PCDHGA9: variants seen among roughly 807,000 people sequenced by gnomAD.
The protein encoded by PCDHGA9 is protocadherin gamma-A9.
A neutral mutation model predicts 62.5 loss-of-function variants in PCDHGA9; 37 were observed. The ratio of observed to expected loss-of-function variants is 0.59; its 90% CI spans 0.46 to 0.78. PCDHGA9 has a LOEUF of 0.78. Ranked by LOEUF, PCDHGA9 falls within the 30% of genes least tolerant of loss-of-function variation. PCDHGA9 has a pLI of 0.00. For missense variants in PCDHGA9, 1,138 were observed against 1,166.2 expected (o/e 0.98, Z 0.35); for synonymous variants, 459 against 484.6 (o/e 0.95, Z 0.69).
At chr5:141,405,470 A>G in intron 1 of PCDHGA9, 94 bp downstream of exon 1, 1 of 1,108,980 alleles carries the variant, frequency 9.0e-7, no homozygotes, top group Non-Finnish European at 1.3e-6. Flanking sequence ...CCCAGGCTGG[A>G]ATGCAGTGGT....
intron 1 of PCDHGA9, among the ~76,000 whole-genome samples, chr5:141,433,697 CGTG>C (rs1176871032): frequency 6.6e-6 from 1 of 152,020 alleles, no homozygotes; most frequent in Non-Finnish European, 1.5e-5. Context: ...ATTAGCCGGG[CGTG>C]GTGGTGCATG....
At position 141,449,665 on chromosome 5, in the gene PCDHGA9, G is replaced by T. The variant is rs144213743; in HGVS notation, c.2424+44289G>T. 9.3e-5 allele frequency among the ~76,000 whole-genome samples: 14 copies of T among 150,156 alleles called. No individual in the cohort carries two copies. In the East Asian group the frequency reaches 2.7e-3, roughly 29 times the overall value. Reference sequence around the variant, plus strand: ...TATACATATTTACATACACACCCAAGTGTGTATGTATATATGTTTGTGTGT... The same window carrying T: ...TATACATATTTACATACACACCCAATTGTGTATGTATATATGTTTGTGTGT... On this transcript the variant is annotated intron_variant, in intron 1 of 3. Coordinates refer to ENST00000573521, the MANE Select transcript of PCDHGA9 (RefSeq NM_018921.3).
chr5:141,429,330 T>C (rs2097204620), intron 1 of PCDHGA9, among the ~76,000 whole-genome samples: 1 of 152,188 alleles, frequency 6.6e-6, no homozygotes, highest in East Asian at 1.9e-4. Flanking sequence ...CTTTAATCCA[T>C]TAACTATAAA....
chr5:141,486,967 G>C lies in PCDHGA9; in HGVS notation c.2425-7840G>C. The C allele has an allele frequency of 6.2e-7, 1 of 1,614,202 alleles. No homozygotes were observed. Among genetic ancestry groups the C allele is most frequent in the Non-Finnish European group, 8.5e-7 (1 of 1,180,032 alleles). ...TCACAAAGGTGACTGCTGTGGACTT[G>C]GATTCAGGTTACAATGCTTGGGTTT... On this transcript the variant is annotated intron_variant, in intron 1 of 3. Transcript: ENST00000573521. The surrounding 1 kb of genome is among the most constrained non-coding windows in gnomAD (Gnocchi z 5.0).
At chr5:141,462,781 G>C (rs893647456) in intron 1 of PCDHGA9, among the ~76,000 whole-genome samples, 1 of 152,102 alleles carries the variant, frequency 6.6e-6, no homozygotes, top group Non-Finnish European at 1.5e-5. Flanking sequence ...GTCATAATTT[G>C]TTGCTTATTT....
In PCDHGA9 at chr5:141,489,153, G is replaced by C; in HGVS notation, c.2425-5654G>C. Reference sequence around the variant, plus strand: ...TTTAAGAGGCTGGAAGGAGACATAAGAGACTTCAGCTGCTGCATTCCAAGC... The same window carrying C: ...TTTAAGAGGCTGGAAGGAGACATAACAGACTTCAGCTGCTGCATTCCAAGC... On this transcript the variant is annotated intron_variant, in intron 1 of 3. Coordinates refer to ENST00000573521, the MANE Select transcript of PCDHGA9 (RefSeq NM_018921.3). This position sits in a 1 kb window ranked among gnomAD's most constrained non-coding sequence, Gnocchi z 4.5. 1 of 935,832 alleles carries C rather than the reference G, an allele frequency of 1.1e-6. No individual in the cohort carries two copies. Among genetic ancestry groups the C allele is most frequent in the Non-Finnish European group, 1.6e-6 (1 of 627,178 alleles). The allele number at this position is 935,832 out of a possible 1,614,324, so 58.0% of individuals were successfully genotyped here.
At chr5:141,448,069 T>C (rs1184496754) in intron 1 of PCDHGA9, among the ~76,000 whole-genome samples, 1 of 151,202 alleles carries the variant, frequency 6.6e-6, no homozygotes, top group Non-Finnish European at 1.5e-5. Context: ...CTGGGCAACA[T>C]GAACGAAATG....
At chr5:141,430,782 G>A (rs1220976669) in intron 1 of PCDHGA9, 2 of 1,510,858 alleles carry the variant, frequency 1.3e-6, no homozygotes, top group Non-Finnish European at 1.8e-6. Flanking sequence ...CGACTGCACC[G>A]GGACTACAAA....
intron 1 of PCDHGA9, among the ~76,000 whole-genome samples, chr5:141,442,921 CATTTTCTA>C (rs1366534082): frequency 6.6e-6 from 1 of 152,196 alleles, no homozygotes. Context: ...ACAACTGTTT[CATTTTCTA>C]TTTAAGAAAC....
rs752999009 is a variant in PCDHGA9, at chr5:141,409,899, C to T, written c.2424+4523C>T. 4 of 1,613,152 alleles carry T rather than the reference C, an allele frequency of 2.5e-6. No individual in the cohort carries two copies. The East Asian group carries it at 8.9e-5, about 36-fold the overall frequency. ...AACGCACCGCGGGTGCTGTACCCAG[C>T]TCTGGGTCCTGACGGCTCCGCGTTC... On this transcript the variant is annotated intron_variant, in intron 1 of 3. Coordinates refer to ENST00000573521, the MANE Select transcript of PCDHGA9 (RefSeq NM_018921.3).
rs750804901 is a variant in PCDHGA9, at chr5:141,476,422, C to T, written c.2425-18385C>T. ...GAGAGGAGCTGTGTGGGACACTGCC[C>T]TCTTGCACTGTAACTCTGGAGTTGG... On this transcript the variant is annotated intron_variant, in intron 1 of 3. Transcript: ENST00000573521. The surrounding 1 kb of genome is among the most constrained non-coding windows in gnomAD (Gnocchi z 7.6). The T allele has an allele frequency of 1.7e-5, 28 of 1,614,026 alleles. No homozygotes were observed. Among genetic ancestry groups the T allele is most frequent in the East Asian group, 2.2e-5 (1 of 44,860 alleles).
chr5:141,409,178 G>C, intron 1 of PCDHGA9: 1 of 1,613,994 alleles, frequency 6.2e-7, no homozygotes, highest in Non-Finnish European at 8.5e-7. Context: ...GGACGGAGGT[G>C]GTCTCTCTAC....
Position 141,476,340 on chromosome 5 carries a change from G to A in PCDHGA9, c.2425-18467G>A, listed in dbSNP as rs760616287. The A allele has an allele frequency of 2.2e-5, 36 of 1,614,068 alleles. No homozygotes were observed. In the Admixed American group the frequency reaches 2.5e-4, roughly 11 times the overall value. On this transcript the variant is annotated intron_variant, in intron 1 of 3. Transcript: ENST00000573521. The surrounding 1 kb of genome is among the most constrained non-coding windows in gnomAD (Gnocchi z 7.6). The stretch of plus-strand genomic sequence containing the variant: ...CGGGTGGTGTCTGGAGCTAGCCGAA[G>A]ATTCTTTGAGGTGAACCGGGAGACC...
rs1014896576 is a variant in PCDHGA9, at chr5:141,512,427, C to T, written c.*1254C>T. 6.5e-6 allele frequency: 1 copy of T among 152,788 alleles called. No individual in the cohort carries two copies. Among genetic ancestry groups the T allele is most frequent in the African/African-American group, 2.4e-5 (1 of 41,460 alleles). The allele number at this position is 152,788 out of a possible 1,614,324, so 9.5% of individuals were successfully genotyped here. A position where few individuals can be genotyped will look rare whatever the true frequency, so the allele number is the denominator to read the frequency against. On this transcript the variant is annotated 3_prime_UTR_variant, in exon 4 of 4. Transcript: ENST00000573521. ...GGGCTTCTTCAACAGGGCCCCTGCC[C>T]TCCTGAAGCCTCAGTCCTTCACCTT...
At chr5:141,406,777 C>G (rs1235306644) in intron 1 of PCDHGA9, among the ~76,000 whole-genome samples, 1 of 152,150 alleles carries the variant, frequency 6.6e-6, no homozygotes, top group Non-Finnish European at 1.5e-5. Flanking sequence ...ATTTCTCTCA[C>G]TTATATATTA....
intron 1 of PCDHGA9, among the ~76,000 whole-genome samples, chr5:141,426,115 G>A (rs574477590): frequency 4.6e-5 from 7 of 152,364 alleles, no homozygotes; most frequent in South Asian, 2.1e-4. Flanking sequence ...GAAGCAAGTC[G>A]GAGAGTGGCC....
At position 141,431,641 on chromosome 5, in the gene PCDHGA9, A is replaced by G. The variant is rs772686680; in HGVS notation, c.2424+26265A>G. ...ACAAGGCGGCCCAAGTTTTCAAACT[A>G]GATTGTAATTCAGGGACAATATCAA... is the stretch of plus-strand genomic sequence containing the variant. On this transcript the variant is annotated intron_variant, in intron 1 of 3. Coordinates refer to ENST00000573521, the MANE Select transcript of PCDHGA9 (RefSeq NM_018921.3). This position sits in a 1 kb window ranked among gnomAD's most constrained non-coding sequence, Gnocchi z 4.8. The G allele has an allele frequency of 6.2e-7, 1 of 1,614,270 alleles. No individual in the cohort carries two copies. Among genetic ancestry groups the G allele is most frequent in the South Asian group, 1.1e-5 (1 of 91,092 alleles).
Position 141,402,976 on chromosome 5 carries a change from G to C in PCDHGA9, c.24G>C (p.Gln8His). 3.1e-6 allele frequency: 5 copies of C among 1,608,120 alleles called. No homozygotes were observed. The highest frequency in any genetic ancestry group is 4.2e-6 in the Non-Finnish European group (5 of 1,176,928). The change falls in exon 1 of 4, where the codon CAG (glutamine) becomes CAC (histidine). Residue 8 changes from glutamine to histidine, a missense_variant. Transcript: ENST00000573521. ...CAATGGCAGCTCCAACCAAATGCCAGCTCCGCGGAAGATTAGTCCTGCTAT... is the reference window on the plus strand; with the variant it reads ...CAATGGCAGCTCCAACCAAATGCCACCTCCGCGGAAGATTAGTCCTGCTAT... MAAPTKC[Q>H]LRGRLVLLCS...
At chr5:141,458,103 T>TA (rs1401283935) in intron 1 of PCDHGA9, among the ~76,000 whole-genome samples, 2 of 152,212 alleles carry the variant, frequency 1.3e-5, no homozygotes, top group Non-Finnish European at 2.9e-5. Context: ...TACTTACAGA[T>TA]AGTCTCCAAA....
Sources: allele counts gnomAD v4.1 joint callset (sites outside exome capture counted in the v4.1 genomes callset), GRCh38; gene constraint gnomAD v4.1.1; non-coding constraint Gnocchi (gnomAD v3.1); transcripts MANE v1.5; gene names NCBI Gene and HGNC (gene_info 2026-07-23, HGNC 2026-07-21).